COL6A3: variants seen among roughly 807,000 people sequenced by gnomAD.
The protein encoded by COL6A3 is collagen type VI alpha 3 chain.
In COL6A3, 137 loss-of-function variants were observed where a neutral mutation model predicts 274.1. The ratio of observed to expected loss-of-function variants is 0.50; its 90% CI spans 0.44 to 0.58. The LOEUF is 0.58. Ranked by LOEUF, COL6A3 falls within the 20% of genes least tolerant of loss-of-function variation. The pLI is 0.00. For missense variants in COL6A3, 3,950 were observed against 4,124.9 expected, an observed-to-expected ratio of 0.96 and a Z score of 1.16; for synonymous variants, 1,650 against 1,650.6, an observed-to-expected ratio of 1.00 and a Z score of 0.01.
At chr2:237,384,498 C>G (rs1303949262) in intron 4 of COL6A3, among the ~76,000 whole-genome samples, 2 of 152,088 alleles carry the variant, frequency 1.3e-5, no homozygotes, top group African/African-American at 4.8e-5. Flanking sequence ...ATCAGGCCCA[C>G]AGTCTTCCTC....
At chr2:237,351,302 G>A in intron 26 of COL6A3, 110 bp from the exon 27 acceptor site, 1 of 999,134 alleles carries the variant, frequency 1.0e-6, no homozygotes, top group Admixed American at 1.8e-5. Flanking sequence ...CCAGGGGCAT[G>A]GAACCTGTCC....
chr2:237,351,114 C>T lies in COL6A3; in HGVS notation c.6816+16G>A. On this transcript the variant is annotated intron_variant, in intron 27 of 43. Coordinates refer to ENST00000295550, the MANE Select transcript of COL6A3 (RefSeq NM_004369.4). ...GTCCCTGTCCTCAGGAAAGCTCTAC[C>T]TTTCTAAAGACAAACCTTTCTTCCC... 6.2e-7 allele frequency: 1 copy of T among 1,614,044 alleles called. No homozygotes were observed. Among genetic ancestry groups the T allele is most frequent in the Non-Finnish European group, 8.5e-7 (1 of 1,179,866 alleles).
At position 237,340,885 on chromosome 2, in the gene COL6A3, A is replaced by G. The variant is rs960490247; in HGVS notation, c.8031T>C (p.Asn2677=). The change falls in exon 38 of 44, where the codon AAT becomes AAC. Residue 2677 remains asparagine (N), a synonymous_variant. Coordinates refer to ENST00000295550, the MANE Select transcript of COL6A3 (RefSeq NM_004369.4). The part of the protein sequence containing the change: ...VQHAPSESVD[N]ASMPPVKVEF... ...CCACCTTCACAGGTGGCATGCTGGC[A>G]TTGTCCACGGACTCAGAGGGCGCGT... The G allele has an allele frequency of 6.2e-7, 1 of 1,613,696 alleles. No individual in the cohort carries two copies. The highest frequency in any genetic ancestry group is 1.7e-5 in the Admixed American group (1 of 60,016).
chr2:237,345,781 C>A (rs1030080070), intron 32 of COL6A3, among the ~76,000 whole-genome samples: 1 of 152,184 alleles, frequency 6.6e-6, no homozygotes, highest in Non-Finnish European at 1.5e-5. Flanking sequence ...TCTGCAGGAA[C>A]TGGCTTAATG....
At chr2:237,333,368 C>T in intron 42 of COL6A3, 82 bp downstream of exon 42, 1 of 1,347,014 alleles carries the variant, frequency 7.4e-7, no homozygotes, top group Non-Finnish European at 1.1e-6. Flanking sequence ...TGGGCTAAGA[C>T]TTAGAACCCA....
chr2:237,373,034 C>T (rs2077733883), intron 8 of COL6A3, among the ~76,000 whole-genome samples: 1 of 152,124 alleles, frequency 6.6e-6, no homozygotes. Context: ...TTTGGGTTTA[C>T]TTGCATTTTC....
At position 237,377,402 on chromosome 2, in the gene COL6A3, C is replaced by T. The variant is rs543866758; in HGVS notation, c.2498-58G>A. On this transcript the variant is annotated intron_variant, in intron 6 of 43. Transcript: ENST00000295550. ...GACGAGAGCATAACAGGAACCAAAG[C>T]GACTTCAGCCCAGCACCATTTGACA... 21 of 1,528,164 alleles carry T rather than the reference C, an allele frequency of 1.4e-5. No homozygotes were observed. In the African/African-American group the frequency reaches 2.3e-4, roughly 17 times the overall value. The allele number at this position is 1,528,164 out of a possible 1,614,324, so 94.7% of individuals were successfully genotyped here.
At chr2:237,342,769 T>A (rs181412789) in intron 36 of COL6A3, 107 of 157,614 alleles carry the variant, frequency 6.8e-4, no homozygotes, top group Non-Finnish European at 9.0e-4. Context: ...TCTGGGTCCC[T>A]CAGCCCACAC....
In COL6A3 at chr2:237,394,841, C is replaced by T. The variant is rs753367723; in HGVS notation, c.455G>A (p.Gly152Glu). The T allele has an allele frequency of 1.2e-6, 2 of 1,614,062 alleles. No homozygotes were observed. Among genetic ancestry groups the T allele is most frequent in the Admixed American group, 1.7e-5 (1 of 60,018 alleles). The change falls in exon 3 of 44, where the codon GGA becomes GAA. Residue 152 changes from glycine (G) to glutamate (E), a missense_variant. Coordinates refer to ENST00000295550, the MANE Select transcript of COL6A3 (RefSeq NM_004369.4). Reference protein sequence around the residue: ...VPQVIVVLTDGHSKDGLALPS... With the variant: ...VPQVIVVLTDEHSKDGLALPS... ...CAGAGCAAGGCCATCCTTCGAGTGTCCATCAGTTAACACTACGATAACCTG... is the reference window on the plus strand; with the variant it reads ...CAGAGCAAGGCCATCCTTCGAGTGTTCATCAGTTAACACTACGATAACCTG...
At chr2:237,354,341 T>G (rs1363820152) in intron 24 of COL6A3, among the ~76,000 whole-genome samples, 1 of 151,164 alleles carries the variant, frequency 6.6e-6, no homozygotes, top group Admixed American at 6.6e-5. Context: ...TTAAGCTGAA[T>G]ACCTCCCTCA....
intron 9 of COL6A3, among the ~76,000 whole-genome samples, chr2:237,370,523 C>T (rs977974320): frequency 1.3e-5 from 2 of 152,182 alleles, no homozygotes; most frequent in African/African-American, 4.8e-5. Context: ...AGGCGTGAGC[C>T]ACCACGCCCA....
In COL6A3 at chr2:237,365,851, C is replaced by T. The variant is rs1026411798; in HGVS notation, c.5685G>A (p.Ser1895=). ...CAAAGTCAAAGGCCTCCACCGGGCC[C>T]GAGGGCGTGTTGGCCACCACTGACA... ...VRVSVVANTP[S]GPVEAFDFDE... is the part of the protein sequence containing the mutation. The change falls in exon 12 of 44, where the codon TCG becomes TCA. Residue 1895 remains serine (S), a synonymous_variant. Coordinates refer to ENST00000295550, the MANE Select transcript of COL6A3 (RefSeq NM_004369.4). 13 of 1,614,166 alleles carry T rather than the reference C, an allele frequency of 8.1e-6. No individual in the cohort carries two copies. Among genetic ancestry groups the T allele is most frequent in the South Asian group, 1.1e-5 (1 of 91,068 alleles).
At chr2:237,325,415 T>G (rs1699887291) in intron 43 of COL6A3, 145 bp downstream of exon 43, 2 of 935,712 alleles carry the variant, frequency 2.1e-6, no homozygotes, top group Admixed American at 4.0e-5. Context: ...TGGGTTGTAT[T>G]TGAACGTCTT....
chr2:237,338,971 C>T (rs1234926350), intron 39 of COL6A3, 44 bp downstream of exon 39: 11 of 1,512,142 alleles, frequency 7.3e-6, no homozygotes, highest in South Asian at 2.3e-5. Context: ...CTGTGCATTC[C>T]CTGCAGCGCT....
At chr2:237,356,555 C>CA (rs1240303179) in intron 23 of COL6A3, among the ~76,000 whole-genome samples, 2 of 152,220 alleles carry the variant, frequency 1.3e-5, no homozygotes, top group African/African-American at 4.8e-5. Context: ...CACTGCCCCT[C>CA]AGGGCGTGGC....
In COL6A3 at chr2:237,341,095, C is replaced by G; in HGVS notation, c.7821G>C (p.Arg2607Ser). The G allele has an allele frequency of 6.2e-7, 1 of 1,614,158 alleles. No individual in the cohort carries two copies. The change falls in exon 38 of 44, where the codon AGG becomes AGC. Residue 2607 changes from arginine to serine, a missense_variant. Physicochemically the swap from Arg to Ser is moderately radical, Grantham distance 110. Around this residue, in one of 5 missense-constraint regions of COL6A3, gnomAD observed 1,284 missense variants for 1,349.7 expected, o/e 0.95. Transcript: ENST00000295550. ...CATCGCTCCCTGCCGCTCTCCTGTC[C>G]CTGAAGGAAGGCCTCCAACTGCCAA... ...CGFGSWRPSFRDRRAAGSDVD... is the reference protein window; with the variant it reads ...CGFGSWRPSFSDRRAAGSDVD...
At chr2:237,324,900 C>T in intron 43 of COL6A3, 86 bp from the exon 44 acceptor site, 2 of 1,369,154 alleles carry the variant, frequency 1.5e-6, no homozygotes, top group Non-Finnish European at 2.1e-6. Flanking sequence ...CAAAAGGGCA[C>T]TGTCATTATC....
At chr2:237,367,387 A>G (rs1574991407) in intron 10 of COL6A3, 101 bp from the exon 11 acceptor site, 1 of 1,393,110 alleles carries the variant, frequency 7.2e-7, no homozygotes, top group East Asian at 2.4e-5. Context: ...AGACATTCCT[A>G]ATAATTTATT....
chr2:237,383,119 C>T (rs1386939260), intron 4 of COL6A3, among the ~76,000 whole-genome samples: 1 of 152,160 alleles, frequency 6.6e-6, no homozygotes. Flanking sequence ...TTTTGAAATG[C>T]AGTTCATTTC....
Sources: gnomAD v4.1 joint callset for allele counts (sites outside exome capture counted in the v4.1 genomes callset) on GRCh38, gnomAD v4.1.1 for gene constraint, gnomAD v4.1.1 regional missense constraint, MANE v1.5 for transcripts, NCBI Gene and HGNC (gene_info 2026-07-23, HGNC 2026-07-21) for gene names.